ZNF845: variants seen among roughly 807,000 people sequenced by gnomAD.
ZNF845 encodes the protein zinc finger protein 845.
Under a neutral mutation model 76.1 loss-of-function variants are expected in ZNF845, and 59 were observed. The observed-to-expected ratio is 0.78, with a 90% CI of 0.63 to 0.96. ZNF845 has a LOEUF of 0.96. ZNF845 is among the 40% of genes least tolerant of loss of function. The probability of loss-of-function intolerance (pLI) is 0.00; values close to 1 mark genes in which losing one functional copy is unlikely to be tolerated. For synonymous variants in ZNF845, 361 were observed against 386.9 expected, an observed-to-expected ratio of 0.93 and a Z score of 0.78; for missense variants, 1,045 against 1,172.8, an observed-to-expected ratio of 0.89 and a Z score of 1.59.
At chr19:53,342,318 T>C (rs557572111) in intron 2 of ZNF845, among the ~76,000 whole-genome samples, 2 of 152,176 alleles carry the variant, frequency 1.3e-5, no homozygotes, top group Admixed American at 6.5e-5. Context: ...GCTATCACCA[T>C]GTTGGCCAGG....
In ZNF845 at chr19:53,352,873, C is replaced by G. The variant is rs866209166; in HGVS notation, c.2198C>G (p.Ser733Cys). Residue 733 changes from serine (S) to cysteine (C), a missense_variant, in exon 4 of 4, where the codon TCC (serine) becomes TGC (cysteine). Coordinates refer to ENST00000458035, the MANE Select transcript of ZNF845 (RefSeq NM_138374.3). ...ECGKAFSQKS[S>C]LTCHLRLHTG... ...GGCAAGGCCTTCAGTCAGAAGTCAT[C>G]CCTTACATGCCATCTTAGACTTCAT... is the stretch of plus-strand genomic sequence containing the variant. 1.2e-6 allele frequency: 2 copies of G among 1,609,966 alleles called. No homozygotes were observed. The highest frequency in any genetic ancestry group is 3.4e-5 in the Admixed American group (2 of 59,622).
chr19:53,337,390 C>CT (rs1458140043), intron 1 of ZNF845, among the ~76,000 whole-genome samples: 2 of 151,134 alleles, frequency 1.3e-5, no homozygotes, highest in African/African-American at 4.9e-5. Context: ...ATTTTATTTT[C>CT]TTTTTTTTAG....
Position 53,343,447 on chromosome 19 carries a change from G to A in ZNF845, c.16-2059G>A, listed in dbSNP as rs138316753. Among the ~76,000 whole-genome samples the A allele has an allele frequency of 4.8e-3, 735 of 152,222 alleles. 5 individuals carry two copies. The highest frequency in any genetic ancestry group is 0.024 in the Middle Eastern group (7 of 294). ...AGGTCAGGCGGTTGAAAGGGTGATT[G>A]CTTCTTCTAGGATGGGGCATTCCCT... On this transcript the variant is annotated intron_variant, in intron 2 of 3. Coordinates refer to ENST00000458035, the MANE Select transcript of ZNF845 (RefSeq NM_138374.3).
At position 53,342,900 on chromosome 19, in the gene ZNF845, C is replaced by T. The variant is rs927461697; in HGVS notation, c.15+1578C>T. ...ATGGCATGATCTCGGCTCACTGCAA[C>T]CACTGCCTCCCAGGTTCAGGCGATT... On this transcript the variant is annotated intron_variant, in intron 2 of 3. Coordinates refer to ENST00000458035, the MANE Select transcript of ZNF845 (RefSeq NM_138374.3). Among the ~76,000 whole-genome samples the T allele has an allele frequency of 2.0e-5, 3 of 152,060 alleles. No homozygotes were observed. In the East Asian group the frequency reaches 5.8e-4, roughly 29 times the overall value.
intron 1 of ZNF845, 142 bp from the exon 2 acceptor site, chr19:53,341,093 G>A (rs1172255209): frequency 1.1e-5 from 9 of 800,540 alleles, no homozygotes; most frequent in Non-Finnish European, 1.7e-5. Flanking sequence ...TCCACTGCCT[G>A]TAGGAGTTTA....
chr19:53,355,389 C>T lies in ZNF845; in HGVS notation c.*1801C>T, dbSNP rs927740099. 9 of 151,780 alleles carry T rather than the reference C, an allele frequency of 5.9e-5. No homozygotes were observed. In the South Asian group the frequency reaches 6.3e-4, roughly 11 times the overall value. 9.4% of individuals were successfully genotyped at this position (151,780 alleles called of 1,614,324 possible). A position where few individuals can be genotyped will look rare whatever the true frequency, so the allele number is the denominator to read the frequency against. On this transcript the variant is annotated 3_prime_UTR_variant, in exon 4 of 4. Coordinates refer to ENST00000458035, the MANE Select transcript of ZNF845 (RefSeq NM_138374.3). ...CCTCCTGAGTAGCTGGGACTACAGG[C>T]GCATGTCACCACACCTAGCTAATTT...
At chr19:53,334,008 C>T (rs141953122) in intron 1 of ZNF845, among the ~76,000 whole-genome samples, 2 of 152,362 alleles carry the variant, frequency 1.3e-5, no homozygotes, top group East Asian at 1.9e-4. Context: ...TGCTATAGGG[C>T]AATGTATACA....
intron 2 of ZNF845, 65 bp downstream of exon 2, chr19:53,341,387 T>G (rs1038558663): frequency 6.2e-7 from 1 of 1,607,560 alleles, no homozygotes; most frequent in African/African-American, 1.3e-5. Context: ...GCCTTGGAGT[T>G]GGGAATCTTC....
rs1376972586 is a variant in ZNF845, at chr19:53,355,283, C to T, written c.*1695C>T. 4 of 151,802 alleles carry T rather than the reference C, an allele frequency of 2.6e-5. No homozygotes were observed. The highest frequency in any genetic ancestry group is 4.8e-5 in the African/African-American group (2 of 41,312). The allele number at this position is 151,802 out of a possible 1,614,324, so 9.4% of individuals were successfully genotyped here. ...TTTTTTTTTGAGACAATGTCTCTCTCTGTCGCCAGGCTAGAGTGCCGTGGA... is the reference window on the plus strand; with the variant it reads ...TTTTTTTTTGAGACAATGTCTCTCTTTGTCGCCAGGCTAGAGTGCCGTGGA... On this transcript the variant is annotated 3_prime_UTR_variant, in exon 4 of 4. Transcript: ENST00000458035.
chr19:53,340,766 C>T (rs972678213), intron 1 of ZNF845: 2 of 313,618 alleles, frequency 6.4e-6, no homozygotes, highest in African/African-American at 4.3e-5. Context: ...GATCTGCCCT[C>T]CCAGGTCCTC....
At chr19:53,340,723 G>A (rs1029050144) in intron 1 of ZNF845, 1 of 290,564 alleles carries the variant, frequency 3.4e-6, no homozygotes. Flanking sequence ...TGGAGGTGTG[G>A]GAGAAAAATG....
In ZNF845 at chr19:53,354,225, C is replaced by G. The variant is rs891680247; in HGVS notation, c.*637C>G. 1.6e-5 allele frequency: 8 copies of G among 508,760 alleles called. No homozygotes were observed. The highest frequency in any genetic ancestry group is 3.0e-5 in the South Asian group (2 of 66,110). 31.5% of individuals were successfully genotyped at this position (508,760 alleles called of 1,614,324 possible). A position where few individuals can be genotyped will look rare whatever the true frequency, so the allele number is the denominator to read the frequency against. On this transcript the variant is annotated 3_prime_UTR_variant, in exon 4 of 4. Transcript: ENST00000458035. The stretch of plus-strand genomic sequence containing the variant: ...TCTGAGATCACCCCTTAAGGAACAT[C>G]AGAAAATTCATTTTTGAGATGATTG...
At chr19:53,336,728 T>C (rs1234938576) in intron 1 of ZNF845, among the ~76,000 whole-genome samples, 1 of 151,690 alleles carries the variant, frequency 6.6e-6, no homozygotes, top group Non-Finnish European at 1.5e-5. Flanking sequence ...AAAGATGCAT[T>C]TGCAGCATCC....
chr19:53,340,058 T>C (rs1237564425), intron 1 of ZNF845, among the ~76,000 whole-genome samples: 2 of 152,056 alleles, frequency 1.3e-5, no homozygotes, highest in Non-Finnish European at 2.9e-5. Flanking sequence ...AATTATTTGT[T>C]TATTTATTTT....
At chr19:53,345,763 A>G (rs184811549) in intron 3 of ZNF845, 131 bp downstream of exon 3, 5 of 1,514,646 alleles carry the variant, frequency 3.3e-6, no homozygotes, top group Non-Finnish European at 4.4e-6. Flanking sequence ...TCTTACTGCA[A>G]TCTTGAATTC....
rs547204304 is a variant in ZNF845 at position 53,337,958 on chromosome 19, A to G, written c.-73-3277A>G. ...TCAGGTGATCCGTCTGCCTAGGCCT[A>G]CCCGTGTGCTGGGATTACAGGCAAG... On this transcript the variant is annotated intron_variant, in intron 1 of 3. Transcript: ENST00000458035. Among the ~76,000 whole-genome samples, 4 of 152,106 alleles carry G rather than the reference A, an allele frequency of 2.6e-5. No homozygotes were observed. In the South Asian group the frequency reaches 6.2e-4, roughly 24 times the overall value.
At chr19:53,338,961 A>G (rs1002531577) in intron 1 of ZNF845, among the ~76,000 whole-genome samples, 2 of 151,806 alleles carry the variant, frequency 1.3e-5, no homozygotes, top group Non-Finnish European at 2.9e-5. Context: ...TGAGCCAGGC[A>G]TGGTGGTGCA....
chr19:53,346,734 T>C (rs1271292162), intron 3 of ZNF845, among the ~76,000 whole-genome samples: 1 of 152,216 alleles, frequency 6.6e-6, no homozygotes, highest in Non-Finnish European at 1.5e-5. Context: ...TAGAACTCTT[T>C]GTTCTTTATG....
chr19:53,345,457 A>G, intron 2 of ZNF845, 49 bp from the exon 3 acceptor site: 3 of 1,613,260 alleles, frequency 1.9e-6, no homozygotes, highest in Non-Finnish European at 2.5e-6. Flanking sequence ...TCGTGTAAAG[A>G]TAAGAACTCC....
Sources: allele counts gnomAD v4.1 joint callset (sites outside exome capture counted in the v4.1 genomes callset), GRCh38; gene constraint gnomAD v4.1.1; transcripts MANE v1.5; gene names NCBI Gene and HGNC (gene_info 2026-07-23, HGNC 2026-07-21).